Variants in TSPEAR observed in about 807,000 individuals in gnomAD.
TSPEAR encodes the protein thrombospondin-type laminin G domain and EAR repeat-containing protein.
Under a neutral mutation model 71.6 loss-of-function variants are expected in TSPEAR, and 69 were observed. The observed-to-expected ratio is 0.96, with a 90% CI of 0.79 to 1.18. TSPEAR has a LOEUF of 1.18. Among genes scored for constraint, TSPEAR ranks in the 50% most tolerant of loss-of-function variants. TSPEAR has a pLI of 0.00. For missense variants in TSPEAR, 971 were observed against 894.9 expected, an observed-to-expected ratio of 1.09 and a Z score of -1.09; for synonymous variants, 402 against 387.2, an observed-to-expected ratio of 1.04 and a Z score of -0.45.
At chr21:44,592,403 A>G (rs373286812) in intron 1 of TSPEAR, 23 of 1,600,842 alleles carry the variant, frequency 1.4e-5, no homozygotes, top group Non-Finnish European at 2.0e-5. Context: ...GAGTCGGAGC[A>G]AGAGTCACAG....
intron 2 of TSPEAR, among the ~76,000 whole-genome samples, chr21:44,561,660 G>A (rs1398127889): frequency 6.6e-6 from 1 of 152,202 alleles, no homozygotes; most frequent in Non-Finnish European, 1.5e-5. Flanking sequence ...TCCCTAGGAT[G>A]CAAAGCTGGC....
chr21:44,535,157 C>T (rs2053067364), intron 2 of TSPEAR, among the ~76,000 whole-genome samples: 2 of 152,236 alleles, frequency 1.3e-5, no homozygotes, highest in African/African-American at 4.8e-5. Context: ...GTGGTGATGG[C>T]TGCACAACAA....
In TSPEAR at chr21:44,693,354, T is replaced by C. The variant is rs147846498; in HGVS notation, c.82+18079A>G. Among the ~76,000 whole-genome samples, 534 of 152,214 alleles carry C rather than the reference T, an allele frequency of 3.5e-3. 4 individuals carry two copies. The highest frequency in any genetic ancestry group is 0.012 in the African/African-American group (515 of 41,546). ...CACCAGCAACAAAAGAAAAAATAAA[T>C]TGGACTTCATCAAAATTTAAAACTT... On this transcript the variant is annotated intron_variant, in intron 1 of 11. Transcript: ENST00000323084.
At chr21:44,553,893 G>C (rs782123294) in intron 2 of TSPEAR, among the ~76,000 whole-genome samples, 1 of 152,194 alleles carries the variant, frequency 6.6e-6, no homozygotes, top group African/African-American at 2.4e-5. Flanking sequence ...GCAATCTTTG[G>C]TGGACTAAGG....
At chr21:44,667,891 A>C (rs1305556069) in intron 1 of TSPEAR, among the ~76,000 whole-genome samples, 1 of 152,218 alleles carries the variant, frequency 6.6e-6, no homozygotes, top group African/African-American at 2.4e-5. Flanking sequence ...ACAATCAACA[A>C]ACTAAGAATA....
rs200861871 is a variant in TSPEAR, at chr21:44,592,125, G to C, written c.83-24120C>G. On this transcript the variant is annotated intron_variant, in intron 1 of 11. Coordinates refer to ENST00000323084, the MANE Select transcript of TSPEAR (RefSeq NM_144991.3). ...AGACGGACACACAGCACACAGGCTTGCAGCAGACAGTCTTGCAGCAGACGG... is the reference window on the plus strand; with the variant it reads ...AGACGGACACACAGCACACAGGCTTCCAGCAGACAGTCTTGCAGCAGACGG... 56 of 1,462,786 alleles carry C rather than the reference G, an allele frequency of 3.8e-5. 3 individuals are homozygous for C. The highest frequency in any genetic ancestry group is 4.8e-5 in the Non-Finnish European group (52 of 1,089,016). The allele number at this position is 1,462,786 out of a possible 1,614,324, so 90.6% of individuals were successfully genotyped here. A position where few individuals can be genotyped will look rare whatever the true frequency, so the allele number is the denominator to read the frequency against.
intron 1 of TSPEAR, among the ~76,000 whole-genome samples, chr21:44,709,680 C>T (rs1988118673): frequency 6.6e-6 from 1 of 152,252 alleles, no homozygotes; most frequent in Non-Finnish European, 1.5e-5. Context: ...GGCGCAGCCA[C>T]GGCCCGGTGC....
At position 44,529,841 on chromosome 21, in the gene TSPEAR, G is replaced by A. The variant is rs1555915494; in HGVS notation, c.747C>T (p.Leu249=). The A allele has an allele frequency of 2.5e-6, 4 of 1,613,780 alleles. No homozygotes were observed. In the African/African-American group the frequency reaches 4.0e-5, roughly 16 times the overall value. ...CCTCGTTATCTTCTGGCTTCCCCGT[G>A]AGAGCCTGCAGGACCCGTGGGATGG... ...VLSIPRVLQA[L]TGKPEDNEVL... Residue 249 remains leucine (L), a synonymous_variant, in exon 5 of 12, where the codon CTC becomes CTT. Transcript: ENST00000323084.
At chr21:44,580,717 C>T (rs460064) in intron 1 of TSPEAR, 848,870 of 898,036 alleles carry the variant, frequency 0.95, 403,105 homozygotes, top group Non-Finnish European at 0.97. Context: ...TGTGTTGTCC[C>T]GACAGGAGGC....
intron 1 of TSPEAR, among the ~76,000 whole-genome samples, chr21:44,575,829 T>C (rs1555923906): frequency 6.6e-6 from 1 of 152,210 alleles, no homozygotes; most frequent in Non-Finnish European, 1.5e-5. Flanking sequence ...TGGGTCTCTG[T>C]CGCTTCGCTT....
intron 5 of TSPEAR, 84 bp from the exon 6 acceptor site, chr21:44,528,667 G>A: frequency 5.8e-6 from 9 of 1,548,932 alleles, no homozygotes; most frequent in Non-Finnish European, 7.9e-6. Flanking sequence ...CCCAAACCAG[G>A]CTGCCCTGCC....
chr21:44,546,636 A>G lies in TSPEAR; in HGVS notation c.304-12713T>C, dbSNP rs1555917776. On this transcript the variant is annotated intron_variant, in intron 2 of 11. Transcript: ENST00000323084. The surrounding 1 kb of genome is among the most constrained non-coding windows in gnomAD (Gnocchi z 4.4). ...AGCCACTGCGCCCGGCCCCTCTTTC[A>G]TTTTTGAAGGATAATTTTGTCAGAT... is the stretch of plus-strand genomic sequence containing the variant. Among the ~76,000 whole-genome samples, 2 of 151,988 alleles carry G rather than the reference A, an allele frequency of 1.3e-5. No individual in the cohort carries two copies. The highest frequency in any genetic ancestry group is 6.6e-5 in the Admixed American group (1 of 15,254).
chr21:44,701,982 C>T (rs1987670751), intron 1 of TSPEAR, among the ~76,000 whole-genome samples: 1 of 152,160 alleles, frequency 6.6e-6, no homozygotes, highest in African/African-American at 2.4e-5. Flanking sequence ...CCGTGAGATC[C>T]ACGTTCTCTG....
intron 8 of TSPEAR, among the ~76,000 whole-genome samples, chr21:44,524,096 G>A (rs1569163371): frequency 1.3e-5 from 2 of 150,202 alleles, no homozygotes; most frequent in African/African-American, 4.9e-5. Flanking sequence ...GTCAATAAGT[G>A]AGGTAGTCAG....
intron 2 of TSPEAR, among the ~76,000 whole-genome samples, chr21:44,542,742 T>TAAAAAAAAAAAAAAAAAAAAA (rs11404148): frequency 8.3e-6 from 1 of 120,056 alleles, no homozygotes; most frequent in Non-Finnish European, 1.7e-5. Flanking sequence ...AGAGACCTGT[T>TAAAAAAAAAAAAAAAAAAAAA]AAAAAAAAAA....
intron 11 of TSPEAR, among the ~76,000 whole-genome samples, chr21:44,501,204 C>T (rs1017962416): frequency 3.3e-5 from 5 of 152,152 alleles, no homozygotes; most frequent in African/African-American, 9.7e-5. Context: ...AATCTCAGCA[C>T]TTTGGGAGGC....
chr21:44,625,183 C>G (rs782783461), intron 1 of TSPEAR, among the ~76,000 whole-genome samples: 5 of 152,224 alleles, frequency 3.3e-5, no homozygotes, highest in Admixed American at 6.5e-5. Context: ...CCCTCAGAGA[C>G]TGAGTGGTGA....
intron 1 of TSPEAR, among the ~76,000 whole-genome samples, chr21:44,595,068 T>TA (rs1311375313): frequency 6.6e-6 from 1 of 152,134 alleles, no homozygotes; most frequent in East Asian, 1.9e-4. Context: ...GTGATCCACC[T>TA]ACCTTGGCCT....
Position 44,525,292 on chromosome 21 carries a change from C to A in TSPEAR, c.1336+361G>T, listed in dbSNP as rs117504215. Among the ~76,000 whole-genome samples, 679 of 152,132 alleles carry A rather than the reference C, an allele frequency of 4.5e-3. 5 individuals carry two copies. Among genetic ancestry groups the A allele is most frequent in the Non-Finnish European group, 8.2e-3 (557 of 68,002 alleles). ...CAAGAAGTCAGGTAATTTAGTCAAT[C>A]AGTCATCAGGCAGTCAGTCATCAGG... On this transcript the variant is annotated intron_variant, in intron 8 of 11. Transcript: ENST00000323084.
Sources: gnomAD v4.1 joint callset for allele counts (sites outside exome capture counted in the v4.1 genomes callset) on GRCh38, gnomAD v4.1.1 for gene constraint, Gnocchi (gnomAD v3.1) non-coding constraint, MANE v1.5 for transcripts, NCBI Gene and HGNC (gene_info 2026-07-23, HGNC 2026-07-21) for gene names.